Variants in UNC5D observed in about 807,000 individuals in gnomAD.
UNC5D encodes unc-5 netrin receptor D.
Under a neutral mutation model 105.4 loss-of-function variants are expected in UNC5D, and 39 were observed. That is an observed-to-expected ratio of 0.37 (90% CI 0.29 to 0.48). The LOEUF is 0.48. Ranked by LOEUF, UNC5D falls within the 20% of genes least tolerant of loss-of-function variation. The probability of loss-of-function intolerance (pLI) is 0.98; values close to 1 mark genes in which losing one functional copy is unlikely to be tolerated. For missense variants in UNC5D, 991 were observed against 1,202.4 expected, an observed-to-expected ratio of 0.82 and a Z score of 2.60; for synonymous variants, 452 against 450.4, an observed-to-expected ratio of 1.00 and a Z score of -0.04.
chr8:35,277,971 A>AAG (rs893700792), intron 1 of UNC5D, among the ~76,000 whole-genome samples: 43 of 152,292 alleles, frequency 2.8e-4, no homozygotes, highest in Middle Eastern at 3.4e-3. Context: ...GGGTGGCCAG[A>AAG]AGCAAACTCA....
intron 14 of UNC5D, among the ~76,000 whole-genome samples, chr8:35,759,901 G>A (rs1801441397): frequency 6.6e-6 from 1 of 152,150 alleles, no homozygotes; most frequent in African/African-American, 2.4e-5. Flanking sequence ...GAGTTGTAGA[G>A]AGCTATGGCT....
intron 4 of UNC5D, 94 bp downstream of exon 4, chr8:35,595,751 G>T (rs2130902806): frequency 9.1e-7 from 1 of 1,095,266 alleles, no homozygotes; most frequent in East Asian, 2.4e-5. Context: ...GGAAGTAAAG[G>T]AGCCCATGTC....
chr8:35,767,341 T>C (rs1801820073), intron 15 of UNC5D, among the ~76,000 whole-genome samples: 1 of 152,068 alleles, frequency 6.6e-6, no homozygotes, highest in Non-Finnish European at 1.5e-5. Context: ...ATACACAAAA[T>C]CACAAGAAGT....
chr8:35,775,511 C>G (rs1206290689), intron 16 of UNC5D, among the ~76,000 whole-genome samples: 1 of 143,978 alleles, frequency 6.9e-6, no homozygotes, highest in African/African-American at 3.0e-5. Context: ...AATGACATCT[C>G]CTCTCCCTGT....
chr8:35,675,861 C>T (rs1825175524), intron 4 of UNC5D, among the ~76,000 whole-genome samples: 2 of 151,788 alleles, frequency 1.3e-5, no homozygotes, highest in African/African-American at 4.8e-5. Context: ...TGAAAATTCT[C>T]ACATATTGTC....
At chr8:35,523,871 C>T (rs1318486686) in intron 1 of UNC5D, among the ~76,000 whole-genome samples, 1 of 52,778 alleles carries the variant, frequency 1.9e-5, no homozygotes, top group Middle Eastern at 5.4e-3. Context: ...CCTGAAGGCA[C>T]GGGGCAATGG....
Position 35,393,428 on chromosome 8 carries a change from C to T in UNC5D, c.104-155864C>T, listed in dbSNP as rs369707330. Among the ~76,000 whole-genome samples the T allele has an allele frequency of 5.7e-4, 86 of 152,106 alleles. 1 individual carries two copies. The East Asian group carries it at 6.6e-3, about 12-fold the overall frequency. ...GATTACAGGCATGAGCCACCGCGCC[C>T]GGCCCTACTTTTTATCCTCTGGAAT... is the stretch of plus-strand genomic sequence containing the variant. On this transcript the variant is annotated intron_variant, in intron 1 of 16. Transcript: ENST00000404895.
chr8:35,446,892 C>T (rs763491056), intron 1 of UNC5D, among the ~76,000 whole-genome samples: 1 of 152,046 alleles, frequency 6.6e-6, no homozygotes, highest in Non-Finnish European at 1.5e-5. Flanking sequence ...AAACTAATAT[C>T]CATTTGGTGT....
intron 1 of UNC5D, among the ~76,000 whole-genome samples, chr8:35,428,062 G>A (rs1453376297): frequency 6.6e-6 from 1 of 152,160 alleles, no homozygotes; most frequent in Non-Finnish European, 1.5e-5. Context: ...CTGAAATGTA[G>A]ATGGATAGTT....
chr8:35,500,091 A>G (rs994607879), intron 1 of UNC5D, among the ~76,000 whole-genome samples: 3 of 152,238 alleles, frequency 2.0e-5, no homozygotes, highest in Admixed American at 6.5e-5. Flanking sequence ...TATTTGAATG[A>G]CATTAAGCCA....
chr8:35,283,514 C>T (rs1806355467), intron 1 of UNC5D, among the ~76,000 whole-genome samples: 1 of 152,166 alleles, frequency 6.6e-6, no homozygotes, highest in African/African-American at 2.4e-5. Context: ...GTAATCCCAG[C>T]ACTTTGGGAG....
intron 11 of UNC5D, among the ~76,000 whole-genome samples, chr8:35,742,188 A>T (rs1476590628): frequency 1.3e-5 from 2 of 151,888 alleles, no homozygotes. Flanking sequence ...CGATGATGTC[A>T]TGTCCCTGGG....
intron 4 of UNC5D, among the ~76,000 whole-genome samples, chr8:35,649,244 C>T (rs552408807): frequency 6.6e-6 from 1 of 152,146 alleles, no homozygotes; most frequent in South Asian, 2.1e-4. Context: ...CAACTCAGAC[C>T]ATGCAGACTG....
Position 35,441,888 on chromosome 8 carries a change from T to G in UNC5D, c.104-107404T>G, listed in dbSNP as rs564211903. Among the ~76,000 whole-genome samples, 7 of 151,788 alleles carry G rather than the reference T, an allele frequency of 4.6e-5. No individual in the cohort carries two copies. The South Asian group carries it at 1.5e-3, about 32-fold the overall frequency. On this transcript the variant is annotated intron_variant, in intron 1 of 16. Coordinates refer to ENST00000404895, the MANE Select transcript of UNC5D (RefSeq NM_080872.4). ...ACAACCAACAAGAAGCAGAAATTCT[T>G]TAAGGGGTTTGATGAAGCGCCCTGT...
At chr8:35,683,759 G>A (rs1484365931) in intron 5 of UNC5D, 32 bp downstream of exon 5, 3 of 1,454,440 alleles carry the variant, frequency 2.1e-6, no homozygotes, top group Non-Finnish European at 2.7e-6. Flanking sequence ...GGAATGGATA[G>A]GGAGGGCAGA....
intron 1 of UNC5D, among the ~76,000 whole-genome samples, chr8:35,305,029 A>AT (rs1451143155): frequency 1.3e-5 from 2 of 152,022 alleles, no homozygotes; most frequent in Admixed American, 1.3e-4. Context: ...GCCATTGATG[A>AT]TTTTTTTCCA....
At chr8:35,303,780 A>G (rs1808138342) in intron 1 of UNC5D, among the ~76,000 whole-genome samples, 1 of 152,184 alleles carries the variant, frequency 6.6e-6, no homozygotes, top group East Asian at 1.9e-4. Context: ...TTCACAGGCA[A>G]CAATGCTAAT....
At position 35,413,044 on chromosome 8, in the gene UNC5D, C is replaced by T. The variant is rs569101748; in HGVS notation, c.104-136248C>T. On this transcript the variant is annotated intron_variant, in intron 1 of 16. Coordinates refer to ENST00000404895, the MANE Select transcript of UNC5D (RefSeq NM_080872.4). Reference sequence around the variant, plus strand: ...CACTGTCAATTCAGTTTCTTGTTTACGCTGACAGGCTGCAAATGCGCTATG... The same window carrying T: ...CACTGTCAATTCAGTTTCTTGTTTATGCTGACAGGCTGCAAATGCGCTATG... Among the ~76,000 whole-genome samples the T allele has an allele frequency of 6.7e-4, 102 of 152,142 alleles. 1 individual carries two copies. In the South Asian group the frequency reaches 0.02, roughly 29 times the overall value.
intron 4 of UNC5D, among the ~76,000 whole-genome samples, chr8:35,657,086 A>ATG (rs1243515877): frequency 1.7e-4 from 11 of 66,622 alleles, no homozygotes; most frequent in Non-Finnish European, 2.6e-4. Flanking sequence ...GTGTGTATAT[A>ATG]TATATATATA....
Sources: allele counts gnomAD v4.1 joint callset (sites outside exome capture counted in the v4.1 genomes callset), GRCh38; gene constraint gnomAD v4.1.1; transcripts MANE v1.5; gene names NCBI Gene and HGNC (gene_info 2026-07-23, HGNC 2026-07-21).